The following GOLM2 variants were observed in gnomAD, a reference collection of about 807,000 sequenced individuals.
The protein encoded by GOLM2 is golgi membrane protein 2.
GOLM2 carries 26 observed loss-of-function variants against 55.9 expected under a neutral mutation model. That is an observed-to-expected ratio of 0.47 (90% confidence interval 0.34 to 0.65). GOLM2 has a LOEUF of 0.65. Among genes scored for constraint, GOLM2 ranks in the 30% least tolerant of loss-of-function variants. The probability of loss-of-function intolerance (pLI) is 0.01; values close to 1 mark genes in which losing one functional copy is unlikely to be tolerated. For synonymous variants in GOLM2, 165 were observed against 194.6 expected (o/e 0.85, Z 1.27); for missense variants, 486 against 531.8 (o/e 0.91, Z 0.85).
At position 44,305,337 on chromosome 15, in the gene GOLM2, T is replaced by C. The variant is rs565477140; in HGVS notation, c.327+15981T>C. Among the ~76,000 whole-genome samples the C allele has an allele frequency of 2.0e-5, 3 of 151,932 alleles. No individual in the cohort carries two copies. The South Asian group carries it at 6.2e-4, about 32-fold the overall frequency. On this transcript the variant is annotated intron_variant, in intron 1 of 9. Transcript: ENST00000299957. The stretch of plus-strand genomic sequence containing the variant: ...TTTTTTGAGACAGAGTCTTGATCTG[T>C]CACTTAGGCTGGAGTGCAGTGGTGC...
chr15:44,332,923 A>G (rs1201221717), intron 4 of GOLM2, among the ~76,000 whole-genome samples: 1 of 152,060 alleles, frequency 6.6e-6, no homozygotes, highest in Non-Finnish European at 1.5e-5. Context: ...ACTAATTATT[A>G]AGGACATGAT....
rs143663894 is a variant in GOLM2, at chr15:44,383,359, C to CTT, written c.1072+2385_1072+2386dup. On this transcript the variant is annotated intron_variant, in intron 8 of 9. Coordinates refer to ENST00000299957, the MANE Select transcript of GOLM2 (RefSeq NM_138423.4). ...TTACTGGGTCAAAGCACTTGACTAG[C>CTT]TTTATAGCACTTGTTAAATAGTGTC... is the stretch of plus-strand genomic sequence containing the variant. Among the ~76,000 whole-genome samples, 283 of 152,062 alleles carry CTT rather than the reference C, an allele frequency of 1.9e-3. 1 individual carries two copies. The highest frequency in any genetic ancestry group is 4.3e-3 in the Admixed American group (66 of 15,258).
rs1567016828 is a variant in GOLM2 at position 44,289,077 on chromosome 15, C to CGTGCTGGTG, written c.55_63dup (p.Val19_Leu21dup). 6.2e-7 allele frequency: 1 copy of CGTGCTGGTG among 1,614,072 alleles called. No individual in the cohort carries two copies. Among genetic ancestry groups the CGTGCTGGTG allele is most frequent in the South Asian group, 1.1e-5 (1 of 91,080 alleles). ...GGCGGGCTGGCCGCCTGCCCTCTCT[C>CGTGCTGGTG]GTGCTGGTGGTGCTGCTGGTGGTGA... On this transcript the variant is annotated inframe_insertion, in exon 1 of 10. Transcript: ENST00000299957. This position sits in a 1 kb window ranked among gnomAD's most constrained non-coding sequence, Gnocchi z 4.8.
intron 1 of GOLM2, among the ~76,000 whole-genome samples, chr15:44,303,109 T>C (rs2078810932): frequency 7.3e-6 from 1 of 137,568 alleles, no homozygotes; most frequent in African/African-American, 2.9e-5. Context: ...TCTCAATAAA[T>C]AAATAAATAA....
chr15:44,331,950 A>C, intron 3 of GOLM2, 38 bp from the exon 4 acceptor site: 1 of 1,391,330 alleles, frequency 7.2e-7, no homozygotes, highest in Non-Finnish European at 1.0e-6. Flanking sequence ...AATCCAATCC[A>C]AGATAATATA....
intron 6 of GOLM2, among the ~76,000 whole-genome samples, chr15:44,363,497 T>C (rs369238097): frequency 3.3e-5 from 5 of 152,076 alleles, no homozygotes; most frequent in African/African-American, 7.2e-5. Context: ...CAATGAGATA[T>C]CATCTCACAC....
intron 6 of GOLM2, among the ~76,000 whole-genome samples, chr15:44,367,997 C>G (rs1203075969): frequency 1.3e-5 from 2 of 151,894 alleles, no homozygotes; most frequent in African/African-American, 4.8e-5. Flanking sequence ...TTAGGGTTCT[C>G]TGAGGTTCTT....
At chr15:44,388,292 A>AAAAAT (rs2079462526) in intron 8 of GOLM2, among the ~76,000 whole-genome samples, 1 of 145,914 alleles carries the variant, frequency 6.9e-6, no homozygotes, top group African/African-American at 2.5e-5. Flanking sequence ...AAAAAAAAAA[A>AAAAAT]TCGTTAGTAT....
chr15:44,337,892 A>T lies in GOLM2; in HGVS notation c.706A>T (p.Ile236Phe), dbSNP rs1417846723. The T allele has an allele frequency of 6.3e-7, 1 of 1,595,024 alleles. No homozygotes were observed. Among genetic ancestry groups the T allele is most frequent in the East Asian group, 2.2e-5 (1 of 44,466 alleles). ...DKNEEPSSNHIPHGKEQIKRG... is the reference protein window; with the variant it reads ...DKNEEPSSNHFPHGKEQIKRG... The stretch of plus-strand genomic sequence containing the variant: ...GAATGAAGAACCCTCAAGCAATCAT[A>T]TTCCACATGGGAAAGGTATTATTGT... The change falls in exon 5 of 10, where the codon ATT (isoleucine) becomes TTT (phenylalanine). Residue 236 changes from isoleucine (I) to phenylalanine (F), a missense_variant. Physicochemically the swap from Ile to Phe is conservative, Grantham distance 21. Coordinates refer to ENST00000299957, the MANE Select transcript of GOLM2 (RefSeq NM_138423.4).
chr15:44,388,695 A>G (rs1036668687), intron 8 of GOLM2, among the ~76,000 whole-genome samples: 1 of 152,178 alleles, frequency 6.6e-6, no homozygotes, highest in Admixed American at 6.5e-5. Flanking sequence ...AGAGAGAGGG[A>G]GAGAGACAGG....
intron 6 of GOLM2, among the ~76,000 whole-genome samples, chr15:44,342,731 A>T (rs1270426932): frequency 6.6e-6 from 1 of 152,200 alleles, no homozygotes; most frequent in East Asian, 1.9e-4. Context: ...TTCGGATGCA[A>T]ACACGAAGGA....
chr15:44,368,879 A>G (rs2079304495), intron 6 of GOLM2, among the ~76,000 whole-genome samples: 1 of 148,860 alleles, frequency 6.7e-6, no homozygotes, highest in Admixed American at 6.8e-5. Flanking sequence ...TTGTATGTCT[A>G]GTAATTTTAT....
intron 1 of GOLM2, among the ~76,000 whole-genome samples, chr15:44,313,116 G>T (rs1939209082): frequency 6.6e-6 from 1 of 151,972 alleles, no homozygotes; most frequent in Admixed American, 6.6e-5. Flanking sequence ...TGGTGTGGTG[G>T]TGGGCACCTG....
At chr15:44,403,876 A>T (rs1045462577) in intron 9 of GOLM2, among the ~76,000 whole-genome samples, 9 of 152,206 alleles carry the variant, frequency 5.9e-5, no homozygotes, top group African/African-American at 1.7e-4. Flanking sequence ...GAGAGGCTTA[A>T]AATTTATATT....
At chr15:44,345,907 T>C (rs1023396392) in intron 6 of GOLM2, 1 of 152,018 alleles carries the variant, frequency 6.6e-6, no homozygotes, top group African/African-American at 2.4e-5. Flanking sequence ...TTTGTGTGTG[T>C]GTGTGTGTGT....
intron 4 of GOLM2, among the ~76,000 whole-genome samples, chr15:44,333,749 CTCTG>C (rs2079038514): frequency 6.6e-6 from 1 of 151,802 alleles, no homozygotes; most frequent in African/African-American, 2.4e-5. Context: ...TGGCGTCTCA[CTCTG>C]TCACCCAGGC....
At chr15:44,329,929 T>C (rs2141138003) in intron 3 of GOLM2, among the ~76,000 whole-genome samples, 1 of 144,132 alleles carries the variant, frequency 6.9e-6, no homozygotes, top group Admixed American at 7.1e-5. Flanking sequence ...AGATGGAGTC[T>C]CTCACGTCTC....
chr15:44,401,810 CTATT>C (rs2079566910), intron 8 of GOLM2, among the ~76,000 whole-genome samples: 1 of 146,404 alleles, frequency 6.8e-6, no homozygotes, highest in African/African-American at 2.5e-5. Context: ...GGTATTATGT[CTATT>C]TATCTTCTTG....
intron 8 of GOLM2, among the ~76,000 whole-genome samples, chr15:44,394,952 A>G (rs945345451): frequency 6.6e-6 from 1 of 152,228 alleles, no homozygotes; most frequent in African/African-American, 2.4e-5. Flanking sequence ...AACTAGCTCT[A>G]ATAGTTTCAT....
Sources: gnomAD v4.1 joint callset for allele counts (sites outside exome capture counted in the v4.1 genomes callset) on GRCh38, gnomAD v4.1.1 for gene constraint, Gnocchi (gnomAD v3.1) non-coding constraint, MANE v1.5 for transcripts, NCBI Gene and HGNC (gene_info 2026-07-23, HGNC 2026-07-21) for gene names.